The following SSBP2 variants were observed in gnomAD, a reference collection of about 807,000 sequenced individuals.
SSBP2 encodes single-stranded DNA-binding protein 2.
Under a neutral mutation model 61.8 loss-of-function variants are expected in SSBP2, and 17 were observed. That is an observed-to-expected ratio of 0.28 (90% CI 0.19 to 0.41). The LOEUF (loss-of-function observed/expected upper bound fraction) is 0.41, where lower values mean the gene tolerates loss of function less well. SSBP2 is among the 10% of genes least tolerant of loss of function. The probability of loss-of-function intolerance (pLI) is 1.00; values close to 1 mark genes in which losing one functional copy is unlikely to be tolerated. For synonymous variants in SSBP2, 139 were observed against 141.3 expected (o/e 0.98, Z 0.12); for missense variants, 310 against 458.7 (o/e 0.68, Z 2.96).
intron 4 of SSBP2, among the ~76,000 whole-genome samples, chr5:81,529,500 A>C (rs1770231189): frequency 6.6e-6 from 1 of 152,154 alleles, no homozygotes; most frequent in Non-Finnish European, 1.5e-5. Context: ...AACCGTCTTC[A>C]TATTACCTGG....
chr5:81,612,094 G>A (rs1176611742), intron 4 of SSBP2, among the ~76,000 whole-genome samples: 1 of 152,008 alleles, frequency 6.6e-6, no homozygotes, highest in East Asian at 1.9e-4. Context: ...TGGTTTCATG[G>A]GTGCATACTA....
chr5:81,748,093 T>A (rs1391213647), intron 1 of SSBP2, among the ~76,000 whole-genome samples: 1 of 152,120 alleles, frequency 6.6e-6, no homozygotes, highest in African/African-American at 2.4e-5. Flanking sequence ...AAAACAAAGA[T>A]CTAATACAGG....
At chr5:81,630,841 T>A (rs7711576) in intron 3 of SSBP2, among the ~76,000 whole-genome samples, 25,755 of 150,092 alleles carry the variant, frequency 0.17, 2,288 homozygotes, top group Non-Finnish European at 0.2. Context: ...TAGGAATAAG[T>A]TAAATTCATG....
chr5:81,691,641 G>A (rs867191540), intron 1 of SSBP2, among the ~76,000 whole-genome samples: 1 of 151,544 alleles, frequency 6.6e-6, no homozygotes, highest in African/African-American at 2.4e-5. Context: ...ATTTAAAGAA[G>A]AACTAATACC....
At chr5:81,685,652 G>T (rs1049885840) in intron 1 of SSBP2, among the ~76,000 whole-genome samples, 1 of 152,090 alleles carries the variant, frequency 6.6e-6, no homozygotes, top group South Asian at 2.1e-4. Context: ...TGTTCTTGCG[G>T]TAGGAAGCAC....
chr5:81,560,796 T>G (rs1772984563), intron 4 of SSBP2, among the ~76,000 whole-genome samples: 1 of 152,202 alleles, frequency 6.6e-6, no homozygotes, highest in African/African-American at 2.4e-5. Flanking sequence ...GGTATTAAAT[T>G]GTATATATTT....
intron 1 of SSBP2, among the ~76,000 whole-genome samples, chr5:81,672,564 A>C (rs1299871063): frequency 2.0e-5 from 3 of 151,352 alleles, no homozygotes; most frequent in African/African-American, 7.3e-5. Flanking sequence ...TAATCTCCAG[A>C]TACTTTTTCT....
intron 4 of SSBP2, among the ~76,000 whole-genome samples, chr5:81,540,428 C>T (rs1432880428): frequency 1.3e-5 from 2 of 152,134 alleles, no homozygotes; most frequent in Admixed American, 6.5e-5. Flanking sequence ...TTTTAGCAAT[C>T]GCCATTCTAA....
At chr5:81,592,254 G>T (rs1291237757) in intron 4 of SSBP2, among the ~76,000 whole-genome samples, 1 of 152,222 alleles carries the variant, frequency 6.6e-6, no homozygotes, top group Non-Finnish European at 1.5e-5. Context: ...AGCAGTCCAA[G>T]ATCAAACTGC....
chr5:81,520,262 G>C lies in SSBP2; in HGVS notation c.283-6545C>G, dbSNP rs151120778. 7.2e-3 allele frequency among the ~76,000 whole-genome samples: 1,094 copies of C among 152,246 alleles called. 23 individuals carry two copies. The highest frequency in any genetic ancestry group is 0.025 in the African/African-American group (1,039 of 41,552). On this transcript the variant is annotated intron_variant, in intron 4 of 16. Coordinates refer to ENST00000320672, the MANE Select transcript of SSBP2 (RefSeq NM_012446.5). ...AGCCTCCCAAAGTGCTGGGATTATA[G>C]GCGTGAGCCACCACGCCTGGTCTAT...
intron 9 of SSBP2, 71 bp downstream of exon 9, chr5:81,466,903 A>G: frequency 1.1e-6 from 1 of 951,304 alleles, no homozygotes; most frequent in Non-Finnish European, 1.5e-6. Context: ...TAAATAGAAT[A>G]ATATGGTATT....
chr5:81,671,654 C>T (rs1262550008), intron 1 of SSBP2, among the ~76,000 whole-genome samples: 3 of 152,068 alleles, frequency 2.0e-5, no homozygotes, highest in African/African-American at 7.2e-5. Flanking sequence ...TATTAATGTT[C>T]CAGCACTTAA....
chr5:81,536,511 A>T (rs1770816748), intron 4 of SSBP2, among the ~76,000 whole-genome samples: 1 of 152,054 alleles, frequency 6.6e-6, no homozygotes, highest in Non-Finnish European at 1.5e-5. Flanking sequence ...CTTCTTAAAA[A>T]ACTAAATATA....
intron 1 of SSBP2, among the ~76,000 whole-genome samples, chr5:81,666,007 A>C (rs1018954037): frequency 6.6e-6 from 1 of 152,242 alleles, no homozygotes; most frequent in Non-Finnish European, 1.5e-5. Flanking sequence ...TAGTTATAGC[A>C]GTGAAACAGG....
At chr5:81,628,597 G>T (rs1747406748) in intron 3 of SSBP2, among the ~76,000 whole-genome samples, 1 of 152,194 alleles carries the variant, frequency 6.6e-6, no homozygotes, top group African/African-American at 2.4e-5. Context: ...TGGAACTAAT[G>T]TAAGAGTTGG....
intron 3 of SSBP2, among the ~76,000 whole-genome samples, chr5:81,630,624 G>T (rs1237932759): frequency 1.3e-5 from 2 of 151,894 alleles, no homozygotes; most frequent in African/African-American, 4.8e-5. Flanking sequence ...TTACTTATTT[G>T]GTATCTACAG....
intron 8 of SSBP2, among the ~76,000 whole-genome samples, chr5:81,467,769 A>T (rs1376014511): frequency 6.6e-6 from 1 of 151,994 alleles, no homozygotes. Context: ...CAACTTTCAC[A>T]CTTGGCTTTC....
intron 4 of SSBP2, among the ~76,000 whole-genome samples, chr5:81,585,051 C>G (rs184894222): frequency 6.6e-6 from 1 of 152,022 alleles, no homozygotes; most frequent in African/African-American, 2.4e-5. Flanking sequence ...TCTTCCTATA[C>G]TATAAATAGT....
intron 4 of SSBP2, among the ~76,000 whole-genome samples, chr5:81,553,976 A>G (rs534581519): frequency 2.3e-4 from 35 of 152,196 alleles, no homozygotes; most frequent in African/African-American, 7.7e-4. Context: ...TAAAAACTGC[A>G]TTACTCAGGA....
Sources: allele counts gnomAD v4.1 joint callset (sites outside exome capture counted in the v4.1 genomes callset), GRCh38; gene constraint gnomAD v4.1.1; transcripts MANE v1.5; gene names NCBI Gene and HGNC (gene_info 2026-07-23, HGNC 2026-07-21).